Variants in MTAP observed in about 807,000 individuals in gnomAD.
The protein encoded by MTAP is S-methyl-5'-thioadenosine phosphorylase.
In MTAP, 33 loss-of-function variants were observed where a neutral mutation model predicts 33.6. The ratio of observed to expected loss-of-function variants is 0.98; its 90% CI spans 0.74 to 1.31. The LOEUF (loss-of-function observed/expected upper bound fraction) is 1.31. Among genes scored for constraint, MTAP ranks in the 40% most tolerant of loss-of-function variants. The pLI, the probability that MTAP is intolerant of heterozygous loss-of-function variation, is 0.00. For missense variants in MTAP, 367 were observed against 360.0 expected, an observed-to-expected ratio of 1.02 and a Z score of -0.16; for synonymous variants, 148 against 125.7, an observed-to-expected ratio of 1.18 and a Z score of -1.19.
intron 1 of MTAP, chr9:21,930,771 T>C (rs1818944794): frequency 2.8e-6 from 2 of 713,556 alleles, no homozygotes; most frequent in Non-Finnish European, 4.9e-6. Flanking sequence ...AAAATGTTGC[T>C]TTTGGGTAAA....
chr9:21,878,746 C>G (rs1291219944), intron 1 of MTAP, among the ~76,000 whole-genome samples: 1 of 152,094 alleles, frequency 6.6e-6, no homozygotes, highest in African/African-American at 2.4e-5. Context: ...GAAATTTTAG[C>G]AAGTTGTATC....
chr9:21,861,621 CAT>C (rs890722271), intron 7 of MTAP: 18 of 232,910 alleles, frequency 7.7e-5, no homozygotes, highest in African/African-American at 3.7e-4. Flanking sequence ...GATATAGACA[CAT>C]AAAAATTTCA....
chr9:21,869,930 A>G (rs1338836826), downstream of MTAP, among the ~76,000 whole-genome samples: 1 of 152,180 alleles, frequency 6.6e-6, no homozygotes, highest in Non-Finnish European at 1.5e-5. Flanking sequence ...TCCCCATGTG[A>G]TTTGCACTTG....
intron 5 of MTAP, among the ~76,000 whole-genome samples, chr9:21,849,265 C>T (rs1346864259): frequency 1.3e-5 from 2 of 152,100 alleles, no homozygotes; most frequent in African/African-American, 4.8e-5. Context: ...CGACCTTTTA[C>T]CAGGGTAACT....
intron 1 of MTAP, chr9:21,811,680 A>C (rs1301534343): frequency 3.8e-6 from 2 of 530,614 alleles, no homozygotes; most frequent in African/African-American, 3.9e-5. Flanking sequence ...GCCTCCTGCT[A>C]CTGCTGGTAC....
At chr9:21,926,675 G>C (rs1300938141) in intron 1 of MTAP, among the ~76,000 whole-genome samples, 1 of 152,160 alleles carries the variant, frequency 6.6e-6, no homozygotes, top group African/African-American at 2.4e-5. Context: ...CCTAACTCTT[G>C]AGGGTTGAGG....
chr9:21,811,078 C>G (rs1211270574), intron 1 of MTAP, among the ~76,000 whole-genome samples: 1 of 152,226 alleles, frequency 6.6e-6, no homozygotes. Flanking sequence ...TCGGGCTGTG[C>G]CAGCTCCAGC....
chr9:21,878,305 T>A lies in MTAP; in HGVS notation c.147+23435T>A, dbSNP rs532504619. Among the ~76,000 whole-genome samples the A allele has an allele frequency of 7.4e-4, 113 of 152,144 alleles. 1 individual carries two copies. Among genetic ancestry groups the A allele is most frequent in the Middle Eastern group, 3.4e-3 (1 of 294 alleles). ...CTGAGTTATTCTTTTAAAGAAAAAATTTCTGGATATGTTGATGGTTTGTAT... is the reference window on the plus strand; with the variant it reads ...CTGAGTTATTCTTTTAAAGAAAAAAATTCTGGATATGTTGATGGTTTGTAT... On this transcript the variant is annotated intron_variant, in intron 1 of 1. Coordinates refer to the MTAP transcript ENST00000577563.
chr9:21,809,868 A>G (rs941827289), intron 1 of MTAP, among the ~76,000 whole-genome samples: 1 of 152,194 alleles, frequency 6.6e-6, no homozygotes, highest in Non-Finnish European at 1.5e-5. Flanking sequence ...CTCCACAGGC[A>G]AAGGAGAGCT....
At chr9:21,841,258 C>G (rs995734909) in intron 5 of MTAP, among the ~76,000 whole-genome samples, 6 of 152,210 alleles carry the variant, frequency 3.9e-5, no homozygotes, top group African/African-American at 1.2e-4. Flanking sequence ...AGCTTAGAGC[C>G]CCCTACTCCT....
At chr9:21,896,787 G>T (rs916522185) in intron 1 of MTAP, among the ~76,000 whole-genome samples, 1 of 152,128 alleles carries the variant, frequency 6.6e-6, no homozygotes, top group Admixed American at 6.5e-5. Flanking sequence ...ATTCACAGCC[G>T]AATTCTACCA....
intron 1 of MTAP, among the ~76,000 whole-genome samples, chr9:21,807,961 G>A (rs1824249137): frequency 6.6e-6 from 1 of 152,232 alleles, no homozygotes; most frequent in Non-Finnish European, 1.5e-5. Flanking sequence ...ACCTGTGGTT[G>A]TAGTCATGGC....
downstream of MTAP, among the ~76,000 whole-genome samples, chr9:21,938,477 GAAA>G (rs1219130974): frequency 2.7e-5 from 4 of 146,940 alleles, no homozygotes; most frequent in African/African-American, 1.1e-4. Flanking sequence ...AAGAAAGAAA[GAAA>G]AAAAGAGAAT....
intron 1 of MTAP, among the ~76,000 whole-genome samples, chr9:21,927,420 A>G (rs1818887376): frequency 6.6e-6 from 1 of 152,196 alleles, no homozygotes; most frequent in Non-Finnish European, 1.5e-5. Flanking sequence ...ACAGACTGCT[A>G]AACTACCAAG....
chr9:21,816,623 A>G, intron 2 of MTAP, 91 bp from the exon 3 acceptor site: 1 of 1,082,924 alleles, frequency 9.2e-7, no homozygotes, highest in Middle Eastern at 2.1e-4. Flanking sequence ...GACTCTTCAG[A>G]TTCCATGAGT....
intron 1 of MTAP, among the ~76,000 whole-genome samples, chr9:21,888,267 A>G (rs1389255992): frequency 6.6e-6 from 1 of 152,190 alleles, no homozygotes; most frequent in Non-Finnish European, 1.5e-5. Flanking sequence ...AGAATGTTCC[A>G]TGTACTGGTG....
chr9:21,899,734 C>T (rs934071042), intron 1 of MTAP, among the ~76,000 whole-genome samples: 22 of 152,250 alleles, frequency 1.4e-4, no homozygotes, highest in Non-Finnish European at 2.2e-4. Context: ...CACCTGGTCC[C>T]GCCCTTGACA....
intron 4 of MTAP, among the ~76,000 whole-genome samples, chr9:21,837,399 A>G (rs1825138262): frequency 1.3e-5 from 2 of 152,198 alleles, no homozygotes; most frequent in South Asian, 4.1e-4. Context: ...TTTAAAAACA[A>G]ATTTTTTTAA....
At chr9:21,933,894 T>A (rs546603923), downstream of MTAP, 1 of 152,224 alleles carries the variant, frequency 6.6e-6, no homozygotes, top group Admixed American at 6.5e-5. Flanking sequence ...AAAGCACTTA[T>A]ACAAATTAAG....
Sources: gnomAD v4.1 joint callset for allele counts (sites outside exome capture counted in the v4.1 genomes callset) on GRCh38, gnomAD v4.1.1 for gene constraint, MANE v1.5 for transcripts, NCBI Gene and HGNC (gene_info 2026-07-23, HGNC 2026-07-21) for gene names.